Variants in EYS observed in about 807,000 individuals in gnomAD.
The protein encoded by EYS is protein eyes shut homolog.
Under a neutral mutation model 282.1 loss-of-function variants are expected in EYS, and 250 were observed. The ratio of observed to expected loss-of-function variants is 0.89; its 90% CI spans 0.80 to 0.98. The LOEUF is 0.98. EYS is among the 50% of genes least tolerant of loss of function. The pLI is 0.00. For synonymous variants in EYS, 1,355 were observed against 1,282.9 expected, an observed-to-expected ratio of 1.06 and a Z score of -1.20; for missense variants, 4,016 against 3,709.0, an observed-to-expected ratio of 1.08 and a Z score of -2.15.
intron 13 of EYS, among the ~76,000 whole-genome samples, chr6:65,035,797 C>T (rs1026956473): frequency 6.6e-6 from 1 of 151,436 alleles, no homozygotes; most frequent in Non-Finnish European, 1.5e-5. Flanking sequence ...CTAGCGATGA[C>T]ATTTTTCACA....
chr6:64,534,363 G>A (rs550194038), intron 26 of EYS, among the ~76,000 whole-genome samples: 1 of 151,682 alleles, frequency 6.6e-6, no homozygotes, highest in African/African-American at 2.4e-5. Flanking sequence ...TGTTATCAGA[G>A]AACATAAATA....
chr6:65,112,868 C>T (rs748555849), intron 12 of EYS, among the ~76,000 whole-genome samples: 17 of 152,084 alleles, frequency 1.1e-4, no homozygotes, highest in Non-Finnish European at 1.9e-4. Context: ...AGTTGCCCTT[C>T]ATAAAATACT....
intron 33 of EYS, among the ~76,000 whole-genome samples, chr6:64,011,393 T>A (rs986214266): frequency 1.3e-5 from 2 of 152,122 alleles, no homozygotes; most frequent in Non-Finnish European, 2.9e-5. Context: ...CTTTAATTTG[T>A]GAGAGGTAGG....
chr6:65,056,647 G>C (rs1052200254), intron 13 of EYS, among the ~76,000 whole-genome samples: 3 of 151,784 alleles, frequency 2.0e-5, no homozygotes, highest in African/African-American at 7.3e-5. Flanking sequence ...CATTCCCTCT[G>C]TATCTTTAAA....
At chr6:63,782,193 A>T (rs1210177891) in intron 39 of EYS, among the ~76,000 whole-genome samples, 1 of 152,162 alleles carries the variant, frequency 6.6e-6, no homozygotes, top group East Asian at 1.9e-4. Flanking sequence ...TTTATCAAGG[A>T]TATTGGTCTA....
rs1477200107 is a variant in EYS at position 63,920,727 on chromosome 6, T to C, written c.7056-56369A>G. On this transcript the variant is annotated intron_variant, in intron 35 of 42. Coordinates refer to ENST00000503581, the MANE Select transcript of EYS (RefSeq NM_001142800.2). ...CTTTTGAGTTTTCAGAAAACAATCA[T>C]CTTCCAGGCACTCAAACATTGGGAA... 2.0e-5 allele frequency among the ~76,000 whole-genome samples: 3 copies of C among 152,168 alleles called. No homozygotes were observed. In the South Asian group the frequency reaches 6.2e-4, roughly 31 times the overall value.
At chr6:64,995,715 T>TTCCCCC (rs1771232131) in intron 14 of EYS, among the ~76,000 whole-genome samples, 1 of 147,128 alleles carries the variant, frequency 6.8e-6, no homozygotes, top group Non-Finnish European at 1.5e-5. Flanking sequence ...TCTTTCTGCT[T>TTCCCCC]CCCCCCCGCC....
At chr6:65,081,877 C>T (rs1462908953) in intron 12 of EYS, among the ~76,000 whole-genome samples, 3 of 152,042 alleles carry the variant, frequency 2.0e-5, no homozygotes, top group African/African-American at 2.4e-5. Flanking sequence ...AATGCATGGT[C>T]ATGCTACAAA....
intron 15 of EYS, among the ~76,000 whole-genome samples, chr6:64,942,057 C>A (rs1377493048): frequency 6.6e-6 from 1 of 152,070 alleles, no homozygotes; most frequent in Non-Finnish European, 1.5e-5. Context: ...AGTAGCTGAA[C>A]TAATTTATAT....
At chr6:64,351,453 C>A (rs79113125) in intron 29 of EYS, among the ~76,000 whole-genome samples, 1,970 of 151,488 alleles carry the variant, frequency 0.013, 25 homozygotes, top group Non-Finnish European at 0.02. Flanking sequence ...ATCTATCAAT[C>A]ATCTATCTAC....
intron 12 of EYS, among the ~76,000 whole-genome samples, chr6:65,224,967 C>T (rs890301981): frequency 6.6e-6 from 1 of 152,024 alleles, no homozygotes; most frequent in Admixed American, 6.6e-5. Context: ...GCCACACTGA[C>T]AAATTCTATG....
intron 35 of EYS, among the ~76,000 whole-genome samples, chr6:63,937,493 G>C (rs938051367): frequency 6.7e-6 from 1 of 149,458 alleles, no homozygotes; most frequent in Non-Finnish European, 1.5e-5. Context: ...CCATTCTCCT[G>C]CCTCAGCCTC....
chr6:64,945,149 T>C (rs75615478), intron 15 of EYS, among the ~76,000 whole-genome samples: 1 of 114,722 alleles, frequency 8.7e-6, no homozygotes, highest in Admixed American at 9.0e-5. Flanking sequence ...AAAAAAAGAA[T>C]GGGAAAAATA....
chr6:64,799,156 T>C (rs1181695100), intron 22 of EYS, among the ~76,000 whole-genome samples: 1 of 151,944 alleles, frequency 6.6e-6, no homozygotes. Flanking sequence ...TTTACAAGTC[T>C]CCATCCTACC....
intron 7 of EYS, among the ~76,000 whole-genome samples, chr6:65,389,759 A>G (rs189340028): frequency 3.6e-4 from 55 of 152,208 alleles, no homozygotes; most frequent in Middle Eastern, 3.4e-3. Context: ...ATGAATTTGG[A>G]ATACATTAAG....
intron 5 of EYS, among the ~76,000 whole-genome samples, chr6:65,406,863 A>G (rs915394188): frequency 1.5e-4 from 23 of 152,280 alleles, no homozygotes; most frequent in African/African-American, 4.8e-4. Context: ...TAATGCATAT[A>G]GCTATATAGT....
chr6:64,604,495 C>A (rs1228802441), intron 24 of EYS, among the ~76,000 whole-genome samples: 2 of 152,016 alleles, frequency 1.3e-5, no homozygotes, highest in African/African-American at 4.8e-5. Flanking sequence ...TAGAAGCACA[C>A]AAGCTCCATC....
At position 65,266,799 on chromosome 6, in the gene EYS, C is replaced by A. The variant is rs139356472; in HGVS notation, c.2023+29064G>T. Among the ~76,000 whole-genome samples the A allele has an allele frequency of 5.2e-3, 782 of 150,920 alleles. 6 individuals carry two copies. Among genetic ancestry groups the A allele is most frequent in the African/African-American group, 0.018 (751 of 41,228 alleles). On this transcript the variant is annotated intron_variant, in intron 12 of 42. Coordinates refer to ENST00000503581, the MANE Select transcript of EYS (RefSeq NM_001142800.2). ...TTTTCAGTGTTAATTTCTACTTAAG[C>A]TACTCTACAATATCTGTTTAATAAA...
chr6:63,824,621 T>A (rs905527901), intron 36 of EYS, among the ~76,000 whole-genome samples: 3 of 152,068 alleles, frequency 2.0e-5, no homozygotes, highest in Admixed American at 6.5e-5. Flanking sequence ...CCCGAGCACA[T>A]ACCTCCATTG....
Sources: allele counts gnomAD v4.1 joint callset (sites outside exome capture counted in the v4.1 genomes callset), GRCh38; gene constraint gnomAD v4.1.1; transcripts MANE v1.5; gene names NCBI Gene and HGNC (gene_info 2026-07-23, HGNC 2026-07-21).